TAMM41: variants seen among roughly 807,000 people sequenced by gnomAD.
The protein encoded by TAMM41 is TAM41 mitochondrial translocator assembly and maintenance homolog, also known as phosphatidate cytidylyltransferase, mitochondrial.
A neutral mutation model predicts 44.1 loss-of-function variants in TAMM41; 36 were observed. The observed-to-expected ratio is 0.82, with a 90% CI of 0.63 to 1.08. TAMM41 has a LOEUF of 1.08. Among genes scored for constraint, TAMM41 ranks in the 50% least tolerant of loss-of-function variants. TAMM41 has a pLI of 0.00. For synonymous variants in TAMM41, 164 were observed against 153.1 expected (o/e 1.07, Z -0.53); for missense variants, 417 against 404.3 (o/e 1.03, Z -0.27).
At chr3:11,845,864 T>C (rs2079660218) in intron 1 of TAMM41, among the ~76,000 whole-genome samples, 1 of 152,214 alleles carries the variant, frequency 6.6e-6, no homozygotes, top group East Asian at 1.9e-4. Context: ...CAATGCCTAG[T>C]CTCAAACAGA....
At chr3:11,841,854 C>T (rs570042921) in intron 2 of TAMM41, among the ~76,000 whole-genome samples, 1 of 152,280 alleles carries the variant, frequency 6.6e-6, no homozygotes, top group South Asian at 2.1e-4. Flanking sequence ...AGCTGCACAA[C>T]CTTATGGAAG....
chr3:11,723,007 C>T, the TAMM41 span, among the ~76,000 whole-genome samples: 2 of 152,114 alleles, frequency 1.3e-5, no homozygotes, highest in Non-Finnish European at 2.9e-5. Context: ...CCTGTAGTCC[C>T]AGCTACTCAG....
chr3:11,819,967 C>T (rs192515131), intron 4 of TAMM41, among the ~76,000 whole-genome samples: 5 of 151,786 alleles, frequency 3.3e-5, no homozygotes, highest in Non-Finnish European at 5.9e-5. Flanking sequence ...GACAACATGC[C>T]CCAGGTCCAA....
At chr3:11,818,828 G>A (rs1204719054) in intron 4 of TAMM41, among the ~76,000 whole-genome samples, 1 of 150,210 alleles carries the variant, frequency 6.7e-6, no homozygotes, top group African/African-American at 2.5e-5. Flanking sequence ...AACCCAGGAG[G>A]CAGAGCTTGC....
intron 7 of TAMM41, among the ~76,000 whole-genome samples, chr3:11,800,061 G>C (rs2077710484): frequency 6.6e-6 from 1 of 152,106 alleles, no homozygotes; most frequent in Admixed American, 6.5e-5. Flanking sequence ...GTCACCACTA[G>C]ACCAGCCCTA....
chr3:11,746,422 C>G, the TAMM41 span, among the ~76,000 whole-genome samples: 1 of 151,814 alleles, frequency 6.6e-6, no homozygotes, highest in Non-Finnish European at 1.5e-5. Context: ...AATGTCAGAG[C>G]AGCTTTACCA....
chr3:11,828,911 G>A (rs1185882182), intron 4 of TAMM41, among the ~76,000 whole-genome samples: 7 of 152,098 alleles, frequency 4.6e-5, no homozygotes, highest in Admixed American at 2.6e-4. Context: ...CTCAAAAATC[G>A]GGAAAGATGA....
intron 1 of TAMM41, chr3:11,845,033 G>A (rs1225947425): frequency 2.2e-6 from 1 of 455,720 alleles, no homozygotes; most frequent in African/African-American, 2.0e-5. Context: ...AGGGAGCCGT[G>A]TTGGAGGAAA....
chr3:11,807,993 C>A, intron 6 of TAMM41, 98 bp from the exon 7 acceptor site: 1 of 1,445,478 alleles, frequency 6.9e-7, no homozygotes, highest in South Asian at 1.5e-5. Flanking sequence ...TCTTTCTAGT[C>A]AGCCAATCAA....
At chr3:11,796,511 G>A (rs1384784800) in intron 7 of TAMM41, among the ~76,000 whole-genome samples, 2 of 152,168 alleles carry the variant, frequency 1.3e-5, no homozygotes, top group African/African-American at 4.8e-5. Context: ...GGCTGGCTAA[G>A]GGGAAGACCA....
At chr3:11,760,355 C>T in the TAMM41 span, among the ~76,000 whole-genome samples, 11 of 152,138 alleles carry the variant, frequency 7.2e-5, no homozygotes, top group Non-Finnish European at 7.3e-5. Flanking sequence ...CTCTTCAAGC[C>T]GAATCAGTTG....
In TAMM41 at chr3:11,846,858, G is replaced by C. The variant is rs993672182; in HGVS notation, c.-222C>G. On this transcript the variant is annotated 5_prime_UTR_variant, in exon 1 of 8. Transcript: ENST00000455809. ...ACGCAGCCCAGATAGGCTCGGGTGG[G>C]CGGCGGTCGCACAGGCAGAGCTTCC... The C allele has an allele frequency of 2.3e-5, 13 of 568,772 alleles. No individual in the cohort carries two copies. The highest frequency in any genetic ancestry group is 9.3e-5 in the Admixed American group (3 of 32,222). 35.2% of individuals were successfully genotyped at this position (568,772 alleles called of 1,614,324 possible). A position where few individuals can be genotyped will look rare whatever the true frequency, so the allele number is the denominator to read the frequency against.
chr3:11,732,996 T>TTG, the TAMM41 span, among the ~76,000 whole-genome samples: 1 of 105,972 alleles, frequency 9.4e-6, no homozygotes, highest in Non-Finnish European at 2.2e-5. Flanking sequence ...TGAGTTTTTT[T>TTG]TTTGTTTGTT....
the TAMM41 span, among the ~76,000 whole-genome samples, chr3:11,736,800 C>G: frequency 6.6e-6 from 1 of 152,148 alleles, no homozygotes; most frequent in Non-Finnish European, 1.5e-5. Context: ...TCCCAAGTGT[C>G]TGGCCACTCT....
At chr3:11,743,561 G>A in the TAMM41 span, among the ~76,000 whole-genome samples, 8 of 152,066 alleles carry the variant, frequency 5.3e-5, no homozygotes, top group Non-Finnish European at 1.2e-4. Context: ...TCGAACTCCT[G>A]ACATCAAGTG....
At chr3:11,759,497 T>C in the TAMM41 span, among the ~76,000 whole-genome samples, 8 of 152,120 alleles carry the variant, frequency 5.3e-5, no homozygotes, top group South Asian at 2.1e-4. Flanking sequence ...AGGACCCTGA[T>C]GTCCTCACGT....
chr3:11,767,982 C>T, the TAMM41 span, among the ~76,000 whole-genome samples: 1 of 151,018 alleles, frequency 6.6e-6, no homozygotes, highest in Non-Finnish European at 1.5e-5. Context: ...ATCAAAGCCA[C>T]AGTAAGACAC....
intron 7 of TAMM41, among the ~76,000 whole-genome samples, chr3:11,797,159 T>C (rs2077625300): frequency 6.6e-6 from 1 of 152,216 alleles, no homozygotes; most frequent in Non-Finnish European, 1.5e-5. Context: ...TTAAAATTCA[T>C]ATGGAACCAA....
chr3:11,812,209 T>C (rs2078108334), intron 5 of TAMM41, among the ~76,000 whole-genome samples: 1 of 152,122 alleles, frequency 6.6e-6, no homozygotes, highest in South Asian at 2.1e-4. Flanking sequence ...ATTAAAGGCA[T>C]GAAGCTGCCA....
Sources: gnomAD v4.1 joint callset for allele counts (sites outside exome capture counted in the v4.1 genomes callset) on GRCh38, gnomAD v4.1.1 for gene constraint, MANE v1.5 for transcripts, NCBI Gene and HGNC (gene_info 2026-07-23, HGNC 2026-07-21) for gene names.